Variants in JAKMIP2 observed in about 807,000 individuals in gnomAD.
JAKMIP2 encodes janus kinase and microtubule-interacting protein 2.
A neutral mutation model predicts 115.0 loss-of-function variants in JAKMIP2; 25 were observed. The observed-to-expected ratio is 0.22, with a 90% CI of 0.16 to 0.30. The LOEUF is 0.30. JAKMIP2 is among the 10% of genes least tolerant of loss of function. The pLI, the probability that JAKMIP2 is intolerant of heterozygous loss-of-function variation, is 1.00. For synonymous variants in JAKMIP2, 334 were observed against 343.6 expected (o/e 0.97, Z 0.31); for missense variants, 642 against 957.6 (o/e 0.67, Z 4.35).
intron 12 of JAKMIP2, among the ~76,000 whole-genome samples, chr5:147,635,994 C>A (rs1319573463): frequency 6.6e-6 from 1 of 152,138 alleles, no homozygotes; most frequent in Non-Finnish European, 1.5e-5. Context: ...GGGATCACAT[C>A]CTTTCAAGTC....
intron 17 of JAKMIP2, 71 bp downstream of exon 17, chr5:147,623,550 G>T: frequency 1.1e-6 from 1 of 937,514 alleles, no homozygotes; most frequent in Non-Finnish European, 1.7e-6. Flanking sequence ...AAAACTGGTA[G>T]AGGCAACTTT....
intron 12 of JAKMIP2, among the ~76,000 whole-genome samples, 193 bp downstream of exon 12, chr5:147,636,029 T>G (rs1368802040): frequency 6.6e-6 from 1 of 152,156 alleles, no homozygotes; most frequent in Non-Finnish European, 1.5e-5. Flanking sequence ...CGCAGAGCCA[T>G]GCACACGTGC....
At chr5:147,728,483 CTG>C (rs1401361510) in intron 1 of JAKMIP2, among the ~76,000 whole-genome samples, 4 of 152,080 alleles carry the variant, frequency 2.6e-5, no homozygotes, top group South Asian at 2.1e-4. Context: ...GTCCTAGAAA[CTG>C]TGTGTTTTAA....
chr5:147,639,773 A>C lies in JAKMIP2; in HGVS notation c.1402-13T>G. 9.0e-7 allele frequency: 1 copy of C among 1,113,372 alleles called. No individual in the cohort carries two copies. Among genetic ancestry groups the C allele is most frequent in the South Asian group, 2.3e-5 (1 of 44,032 alleles). The allele number at this position is 1,113,372 out of a possible 1,614,324, so 69.0% of individuals were successfully genotyped here. On this transcript the variant is annotated splice_polypyrimidine_tract_variant and intron_variant, in intron 9 of 21. Transcript: ENST00000616793. ...CAGCTGCTAAACTCTTGAGGTTAAG[A>C]AAAAAAGCCCCAAAACAATTGTGTT...
At chr5:147,721,834 A>T (rs752922945) in intron 1 of JAKMIP2, among the ~76,000 whole-genome samples, 7 of 152,266 alleles carry the variant, frequency 4.6e-5, no homozygotes, top group Non-Finnish European at 1.0e-4. Context: ...TGGGAGCTGT[A>T]GACCGGAGCC....
At chr5:147,626,941 A>G (rs1483664746) in intron 16 of JAKMIP2, among the ~76,000 whole-genome samples, 2 of 152,182 alleles carry the variant, frequency 1.3e-5, no homozygotes, top group Non-Finnish European at 2.9e-5. Context: ...CACTGGAGGC[A>G]CAGACTGTGT....
chr5:147,593,125 A>G (rs986373626), intron 21 of JAKMIP2, among the ~76,000 whole-genome samples: 1 of 152,212 alleles, frequency 6.6e-6, no homozygotes, highest in Non-Finnish European at 1.5e-5. Context: ...AGAACTGAAG[A>G]GTGATGACAG....
chr5:147,663,746 G>A (rs137883034), intron 2 of JAKMIP2, among the ~76,000 whole-genome samples: 25 of 152,222 alleles, frequency 1.6e-4, no homozygotes, highest in African/African-American at 6.0e-4. Context: ...TTCCCATGAT[G>A]GTTATTCTAA....
At chr5:147,733,876 T>C (rs1371203157) in intron 1 of JAKMIP2, among the ~76,000 whole-genome samples, 1 of 152,188 alleles carries the variant, frequency 6.6e-6, no homozygotes, top group Non-Finnish European at 1.5e-5. Flanking sequence ...GATGGGCACT[T>C]GGGTTGGTTC....
intron 3 of JAKMIP2, among the ~76,000 whole-genome samples, chr5:147,652,610 G>A (rs576353264): frequency 7.2e-5 from 11 of 152,196 alleles, no homozygotes; most frequent in South Asian, 4.1e-4. Flanking sequence ...GTATATCTGC[G>A]CTATCAAAAA....
At chr5:147,675,464 C>T (rs1041432296) in intron 1 of JAKMIP2, among the ~76,000 whole-genome samples, 1 of 151,364 alleles carries the variant, frequency 6.6e-6, no homozygotes, top group African/African-American at 2.4e-5. Flanking sequence ...CTTTTGTCTC[C>T]TTGTGCTGCT....
At chr5:147,700,422 C>T (rs1752278230) in intron 1 of JAKMIP2, among the ~76,000 whole-genome samples, 1 of 151,228 alleles carries the variant, frequency 6.6e-6, no homozygotes, top group African/African-American at 2.4e-5. Flanking sequence ...ATAGTAGGAA[C>T]AAAAAGACAG....
chr5:147,637,848 G>A (rs1211216939), intron 10 of JAKMIP2, among the ~76,000 whole-genome samples: 2 of 152,098 alleles, frequency 1.3e-5, no homozygotes, highest in Non-Finnish European at 2.9e-5. Context: ...CTTGTATGGA[G>A]CAACTTTGTT....
rs576023658 is a variant in JAKMIP2, at chr5:147,709,570, G to A, written c.-148-37616C>T. On this transcript the variant is annotated intron_variant, in intron 1 of 21. Coordinates refer to ENST00000616793, the MANE Select transcript of JAKMIP2 (RefSeq NM_001270941.2). ...GAAAGAGGTAAAAATATCATTCTAG[G>A]CCGGGTGGGGTGGCTCACGCCTGTA... 2.6e-5 allele frequency among the ~76,000 whole-genome samples: 4 copies of A among 152,260 alleles called. No individual in the cohort carries two copies. In the South Asian group the frequency reaches 8.3e-4, roughly 32 times the overall value.
chr5:147,661,064 T>G lies in JAKMIP2; in HGVS notation c.511A>C (p.Ser171Arg). Residue 171 changes from serine (S) to arginine (R), a missense_variant, in exon 3 of 22, where the codon AGC (serine) becomes CGC (arginine). By Grantham distance (110) the Ser-to-Arg change is moderately radical (BLOSUM62 -1). Around this residue, in one of 6 missense-constraint regions of JAKMIP2, gnomAD observed 439 missense variants for 570.9 expected, o/e 0.77. Transcript: ENST00000616793. ...TAKKQVDEAL[S>R]NMIQADKIKA... ...ATTTTATCTGCTTGGATCATATTGCTCAGAGCCTCGTCCACCTGCTTCTTG... is the reference window on the plus strand; with the variant it reads ...ATTTTATCTGCTTGGATCATATTGCGCAGAGCCTCGTCCACCTGCTTCTTG... 1 of 1,613,992 alleles carries G rather than the reference T, an allele frequency of 6.2e-7. No homozygotes were observed. Among genetic ancestry groups the G allele is most frequent in the Non-Finnish European group, 8.5e-7 (1 of 1,180,018 alleles).
chr5:147,684,035 C>CT (rs983194692), intron 1 of JAKMIP2, among the ~76,000 whole-genome samples: 3 of 151,918 alleles, frequency 2.0e-5, no homozygotes, highest in African/African-American at 7.3e-5. Flanking sequence ...ACTGAGGATT[C>CT]TTTTTTGAGT....
chr5:147,637,057 A>G lies in JAKMIP2; in HGVS notation c.1531-9T>C, dbSNP rs751969910. On this transcript the variant is annotated splice_polypyrimidine_tract_variant and intron_variant, in intron 10 of 21. Transcript: ENST00000616793. The stretch of plus-strand genomic sequence containing the variant: ...TGGAGCTGTTCTTGAGCCTGGTGAA[A>G]CCAAAATTCCAGAACTCAGCAAGTA... The G allele has an allele frequency of 1.1e-6, 1 of 872,588 alleles. No homozygotes were observed. Among genetic ancestry groups the G allele is most frequent in the South Asian group, 1.3e-5 (1 of 76,460 alleles). The allele number at this position is 872,588 out of a possible 1,614,324, so 54.1% of individuals were successfully genotyped here.
intron 1 of JAKMIP2, among the ~76,000 whole-genome samples, chr5:147,718,860 T>TA (rs1194110338): frequency 6.6e-6 from 1 of 150,438 alleles, no homozygotes; most frequent in African/African-American, 2.4e-5. Flanking sequence ...AGTTCTGCTC[T>TA]GATTTTAGTT....
At chr5:147,740,529 C>A (rs1310260082) in intron 1 of JAKMIP2, among the ~76,000 whole-genome samples, 1 of 152,176 alleles carries the variant, frequency 6.6e-6, no homozygotes, top group African/African-American at 2.4e-5. Context: ...TGCTGATGAA[C>A]CTACCCTACA....
Sources: allele counts gnomAD v4.1 joint callset (sites outside exome capture counted in the v4.1 genomes callset), GRCh38; gene constraint gnomAD v4.1.1; regional missense constraint gnomAD v4.1.1; transcripts MANE v1.5; gene names NCBI Gene and HGNC (gene_info 2026-07-23, HGNC 2026-07-21).